The following SCFD1 variants were observed in gnomAD, a reference collection of about 807,000 sequenced individuals.
The protein encoded by SCFD1 is sec1 family domain-containing protein 1.
A neutral mutation model predicts 103.2 loss-of-function variants in SCFD1; 37 were observed. The observed-to-expected ratio is 0.36, with a 90% CI of 0.28 to 0.47. The LOEUF (loss-of-function observed/expected upper bound fraction) is 0.47. Ranked by LOEUF, SCFD1 falls within the 20% of genes least tolerant of loss-of-function variation. The probability of loss-of-function intolerance (pLI) is 1.00; values close to 1 mark genes in which losing one functional copy is unlikely to be tolerated. For missense variants in SCFD1, 639 were observed against 761.2 expected, an observed-to-expected ratio of 0.84 and a Z score of 1.89; for synonymous variants, 264 against 245.0, an observed-to-expected ratio of 1.08 and a Z score of -0.73.
chr14:30,699,100 A>C (rs1890899264), intron 15 of SCFD1, among the ~76,000 whole-genome samples: 1 of 152,224 alleles, frequency 6.6e-6, no homozygotes, highest in Admixed American at 6.5e-5. Context: ...CCTAGGATTT[A>C]ACAGGACCTG....
At chr14:30,716,792 A>G (rs1022839691) in intron 20 of SCFD1, among the ~76,000 whole-genome samples, 2 of 152,212 alleles carry the variant, frequency 1.3e-5, no homozygotes, top group Non-Finnish European at 2.9e-5. Context: ...TAATAACAAG[A>G]AACTAACAAA....
chr14:30,635,751 A>G (rs1280415171), intron 4 of SCFD1, among the ~76,000 whole-genome samples: 1 of 152,068 alleles, frequency 6.6e-6, no homozygotes, highest in Non-Finnish European at 1.5e-5. Context: ...CATGTTTTCA[A>G]TTCTCTTGTG....
chr14:30,728,739 T>C (rs914312244), intron 23 of SCFD1, among the ~76,000 whole-genome samples: 2 of 152,178 alleles, frequency 1.3e-5, no homozygotes, highest in Non-Finnish European at 2.9e-5. Flanking sequence ...TGCTTTGTTA[T>C]CTATATTTTC....
Position 30,669,690 on chromosome 14 carries a change from T to C in SCFD1, c.856-566T>C, listed in dbSNP as rs1258441273. 3 of 152,300 alleles carry C rather than the reference T, an allele frequency of 2.0e-5. No individual in the cohort carries two copies. The East Asian group carries it at 5.8e-4, about 29-fold the overall frequency. The allele number at this position is 152,300 out of a possible 1,614,324, so 9.4% of individuals were successfully genotyped here. ...GCATCACTTATTATTATAGCATCTA[T>C]TGTAATTTTTAAAATTGCAGTTCAT... On this transcript the variant is annotated intron_variant, in intron 10 of 24. Coordinates refer to ENST00000458591, the MANE Select transcript of SCFD1 (RefSeq NM_016106.4).
At chr14:30,731,132 G>C (rs1402605189) in intron 23 of SCFD1, among the ~76,000 whole-genome samples, 1 of 152,032 alleles carries the variant, frequency 6.6e-6, no homozygotes, top group African/African-American at 2.4e-5. Context: ...TCTTGTTTTT[G>C]TCAGGTTTGT....
At chr14:30,690,470 G>A (rs1421672050) in intron 14 of SCFD1, among the ~76,000 whole-genome samples, 1 of 111,620 alleles carries the variant, frequency 9.0e-6, no homozygotes, top group Non-Finnish European at 1.7e-5. Flanking sequence ...GAGATTCCGT[G>A]GGCGTAGGAC....
At chr14:30,715,257 A>C (rs908380069) in intron 19 of SCFD1, 28 of 152,226 alleles carry the variant, frequency 1.8e-4, no homozygotes, top group African/African-American at 6.0e-4. Context: ...GAGAACTTTT[A>C]TAATCCACAG....
intron 10 of SCFD1, among the ~76,000 whole-genome samples, chr14:30,664,155 G>A (rs1038280548): frequency 1.3e-5 from 2 of 152,034 alleles, no homozygotes; most frequent in African/African-American, 2.4e-5. Flanking sequence ...ACACCCGGGC[G>A]CCCCTCTGAG....
At chr14:30,659,565 A>G (rs759345570) in intron 10 of SCFD1, among the ~76,000 whole-genome samples, 3 of 152,148 alleles carry the variant, frequency 2.0e-5, no homozygotes, top group Non-Finnish European at 4.4e-5. Context: ...ATGTTTGCAT[A>G]TGGCCGGCAA....
Position 30,678,625 on chromosome 14 carries a change from A to T in SCFD1, c.1242+3560A>T, listed in dbSNP as rs956198738. ...TTATTCTTAGCTCACCTATGTAGCA[A>T]ACCTGAATAAAGTACTCTTTAGCTC... is the stretch of plus-strand genomic sequence containing the variant. On this transcript the variant is annotated intron_variant, in intron 14 of 24. Transcript: ENST00000458591. Among the ~76,000 whole-genome samples the T allele has an allele frequency of 2.6e-5, 4 of 152,188 alleles. No individual in the cohort carries two copies. The East Asian group carries it at 5.8e-4, about 22-fold the overall frequency.
chr14:30,648,947 G>A (rs1368439304), intron 7 of SCFD1, among the ~76,000 whole-genome samples: 1 of 145,962 alleles, frequency 6.9e-6, no homozygotes, highest in African/African-American at 2.6e-5. Flanking sequence ...CAGCCTCCTA[G>A]CCTGGGTGAC....
intron 23 of SCFD1, among the ~76,000 whole-genome samples, chr14:30,726,896 CAAATTGGTTTAACCATT>C (rs894350838): frequency 2.0e-5 from 3 of 152,084 alleles, no homozygotes; most frequent in African/African-American, 4.8e-5. Flanking sequence ...TGTTTCTGCC[CAAATTGGTTTAACCATT>C]AAATAAGTTG....
chr14:30,640,979 T>G (rs1885212306), intron 6 of SCFD1, among the ~76,000 whole-genome samples: 1 of 152,134 alleles, frequency 6.6e-6, no homozygotes, highest in Non-Finnish European at 1.5e-5. Flanking sequence ...AATCAGTGTT[T>G]TAAGCATGTT....
intron 23 of SCFD1, among the ~76,000 whole-genome samples, chr14:30,724,261 T>TGG (rs1892877828): frequency 7.3e-6 from 1 of 137,478 alleles, no homozygotes; most frequent in African/African-American, 2.8e-5. Context: ...TTTTTTTTTT[T>TGG]TTTTTTTTTT....
chr14:30,660,489 C>T (rs1489717197), intron 10 of SCFD1, among the ~76,000 whole-genome samples: 1 of 152,102 alleles, frequency 6.6e-6, no homozygotes, highest in Non-Finnish European at 1.5e-5. Context: ...TAAGGGTTCT[C>T]CATAAATCTT....
At chr14:30,696,091 A>G (rs899560043) in intron 15 of SCFD1, among the ~76,000 whole-genome samples, 12 of 152,214 alleles carry the variant, frequency 7.9e-5, no homozygotes, top group Admixed American at 6.5e-5. Flanking sequence ...CCCATTTTGC[A>G]TATAAGCTAT....
At position 30,700,273 on chromosome 14, in the gene SCFD1, C is replaced by T. The variant is rs767031260; in HGVS notation, c.1410+15C>T. ...CACCTTCTGAGGTATGTCCTTTATT[C>T]AGTTATTGGGAGGAAGGGGAATGCT... On this transcript the variant is annotated intron_variant, in intron 16 of 24. Coordinates refer to ENST00000458591, the MANE Select transcript of SCFD1 (RefSeq NM_016106.4). 4.6e-6 allele frequency: 7 copies of T among 1,530,866 alleles called. No individual in the cohort carries two copies. Among genetic ancestry groups the T allele is most frequent in the Non-Finnish European group, 6.3e-6 (7 of 1,106,958 alleles). The allele number at this position is 1,530,866 out of a possible 1,614,324, so 94.8% of individuals were successfully genotyped here.
At position 30,707,978 on chromosome 14, in the gene SCFD1, G is replaced by GCC; in HGVS notation, c.1554-9_1554-8dup. 6.3e-7 allele frequency: 1 copy of GCC among 1,596,176 alleles called. No individual in the cohort carries two copies. Among genetic ancestry groups the GCC allele is most frequent in the Non-Finnish European group, 8.6e-7 (1 of 1,163,936 alleles). On this transcript the variant is annotated splice_polypyrimidine_tract_variant and intron_variant, in intron 18 of 24. Transcript: ENST00000458591. ...GTACTTAGAATGGTCCTTCTCTTTT[G>GCC]CCCCTACCTAGTCTTTTATCACGAG...
At chr14:30,721,003 A>G (rs1371875952) in intron 21 of SCFD1, among the ~76,000 whole-genome samples, 1 of 152,196 alleles carries the variant, frequency 6.6e-6, no homozygotes, top group African/African-American at 2.4e-5. Flanking sequence ...GAGCTATCCC[A>G]TCACAGTTAA....
Sources: gnomAD v4.1 joint callset for allele counts (sites outside exome capture counted in the v4.1 genomes callset) on GRCh38, gnomAD v4.1.1 for gene constraint, MANE v1.5 for transcripts, NCBI Gene and HGNC (gene_info 2026-07-23, HGNC 2026-07-21) for gene names.